The following RBFOX1 variants were observed in gnomAD, a reference collection of about 807,000 sequenced individuals.
RBFOX1 encodes the protein RNA binding protein fox-1 homolog 1.
Under a neutral mutation model 57.7 loss-of-function variants are expected in RBFOX1, and 8 were observed. The ratio of observed to expected loss-of-function variants is 0.14; its 90% CI spans 0.08 to 0.25. The LOEUF is 0.25. Among genes scored for constraint, RBFOX1 ranks in the 10% least tolerant of loss-of-function variants. The probability of loss-of-function intolerance (pLI) is 1.00; values close to 1 mark genes in which losing one functional copy is unlikely to be tolerated. For missense variants in RBFOX1, 611 were observed against 548.5 expected (o/e 1.11, Z -1.14); for synonymous variants, 326 against 222.4 (o/e 1.47, Z -4.15).
chr16:7,529,799 A>G (rs1024626825), intron 5 of RBFOX1, among the ~76,000 whole-genome samples: 2 of 152,080 alleles, frequency 1.3e-5, no homozygotes, highest in Admixed American at 1.3e-4. Context: ...ACTTGAGGTC[A>G]GGAGTTCGAG....
At chr16:6,780,213 A>ATATATTTC (rs1313522768) in intron 3 of RBFOX1, among the ~76,000 whole-genome samples, 2 of 71,986 alleles carry the variant, frequency 2.8e-5, no homozygotes, top group Non-Finnish European at 2.1e-5. Context: ...ATATATTTAT[A>ATATATTTC]TATATTTATA....
chr16:6,784,694 AT>A (rs36025472), intron 3 of RBFOX1, among the ~76,000 whole-genome samples: 23,096 of 145,702 alleles, frequency 0.16, 2,509 homozygotes, highest in African/African-American at 0.31. Context: ...TTAATGTCTG[AT>A]TTTTTTTTTT....
At chr16:6,189,526 G>A (rs1415389104) in intron 1 of RBFOX1, among the ~76,000 whole-genome samples, 1 of 152,196 alleles carries the variant, frequency 6.6e-6, no homozygotes, top group Non-Finnish European at 1.5e-5. Flanking sequence ...AGGTTTGGGA[G>A]ATAGCTTAGG....
At chr16:6,112,383 A>T (rs1042550901) in intron 1 of RBFOX1, among the ~76,000 whole-genome samples, 1 of 152,188 alleles carries the variant, frequency 6.6e-6, no homozygotes, top group Non-Finnish European at 1.5e-5. Flanking sequence ...TCACTTGAGT[A>T]ATAAAGGTTC....
At position 6,328,248 on chromosome 16, in the gene RBFOX1, AATG is replaced by A. The variant is rs1199718834; in HGVS notation, c.-64+11195_-64+11197del. Among the ~76,000 whole-genome samples, 4 of 152,320 alleles carry A rather than the reference AATG, an allele frequency of 2.6e-5. No individual in the cohort carries two copies. In the East Asian group the frequency reaches 7.7e-4, roughly 29 times the overall value. ...AGCTATGAGAATGCAAAGGCATAAGAATGATGCAAGGAACTTTGGGCACTGGAG... is the reference window on the plus strand; with the variant it reads ...AGCTATGAGAATGCAAAGGCATAAGAATGCAAGGAACTTTGGGCACTGGAG... On this transcript the variant is annotated intron_variant, in intron 2 of 15. Coordinates refer to ENST00000550418, the MANE Select transcript of RBFOX1 (RefSeq NM_018723.4).
intron 1 of RBFOX1, among the ~76,000 whole-genome samples, chr16:5,369,146 C>T (rs928054703): frequency 3.9e-5 from 6 of 152,116 alleles, no homozygotes; most frequent in Admixed American, 3.3e-4. Flanking sequence ...GGATTACAAA[C>T]ATGTGCCACC....
intron 3 of RBFOX1, among the ~76,000 whole-genome samples, chr16:6,784,803 T>A (rs2081643170): frequency 6.6e-6 from 1 of 152,090 alleles, no homozygotes; most frequent in African/African-American, 2.4e-5. Context: ...TATTTAGCCA[T>A]CTTGTTCCAC....
chr16:7,262,287 G>C (rs1386624327), intron 4 of RBFOX1, among the ~76,000 whole-genome samples: 1 of 148,802 alleles, frequency 6.7e-6, no homozygotes, highest in Non-Finnish European at 1.5e-5. Flanking sequence ...CTAATATTCT[G>C]TCTTTTCCTG....
intron 4 of RBFOX1, among the ~76,000 whole-genome samples, chr16:7,155,334 G>T (rs1188280549): frequency 6.6e-6 from 1 of 152,044 alleles, no homozygotes; most frequent in Admixed American, 6.6e-5. Flanking sequence ...GGCTACTTGT[G>T]ATCCTGGCAC....
chr16:5,999,921 A>G, intron 4 of RBFOX1, among the ~76,000 whole-genome samples: 1 of 148,544 alleles, frequency 6.7e-6, no homozygotes, highest in African/African-American at 2.5e-5. Context: ...TGAAGAAGGG[A>G]AATCAGACAA....
intron 2 of RBFOX1, among the ~76,000 whole-genome samples, chr16:6,631,737 G>A (rs1381213901): frequency 6.6e-6 from 1 of 152,138 alleles, no homozygotes; most frequent in Non-Finnish European, 1.5e-5. Context: ...CTGATGAGCT[G>A]GTGTCTGAAC....
intron 2 of RBFOX1, among the ~76,000 whole-genome samples, chr16:6,624,820 C>T (rs747798818): frequency 3.4e-4 from 51 of 152,114 alleles, no homozygotes; most frequent in Non-Finnish European, 6.5e-4. Flanking sequence ...ATACTTAGCA[C>T]ATACCATGTA....
At chr16:6,263,198 A>T (rs1325756004) in intron 1 of RBFOX1, among the ~76,000 whole-genome samples, 2 of 152,186 alleles carry the variant, frequency 1.3e-5, no homozygotes, top group Non-Finnish European at 2.9e-5. Context: ...TCAATATTGG[A>T]GGGTCATACT....
chr16:7,024,917 A>T (rs72776269), intron 3 of RBFOX1, among the ~76,000 whole-genome samples: 1 of 151,986 alleles, frequency 6.6e-6, no homozygotes, highest in African/African-American at 2.4e-5. Context: ...CTCACTTTAT[A>T]GAGGAGGACA....
At chr16:5,444,181 T>C (rs2068172070) in intron 1 of RBFOX1, among the ~76,000 whole-genome samples, 3 of 152,206 alleles carry the variant, frequency 2.0e-5, no homozygotes, top group African/African-American at 7.2e-5. Flanking sequence ...TTAATGAACA[T>C]AGGTGGTCTG....
intron 1 of RBFOX1, among the ~76,000 whole-genome samples, chr16:6,092,063 A>G (rs1010321711): frequency 6.6e-6 from 1 of 152,220 alleles, no homozygotes; most frequent in East Asian, 1.9e-4. Flanking sequence ...GACATACTTA[A>G]GAGTACCTAG....
At chr16:5,294,456 C>T (rs537206527) in intron 1 of RBFOX1, among the ~76,000 whole-genome samples, 2 of 152,272 alleles carry the variant, frequency 1.3e-5, no homozygotes, top group South Asian at 4.2e-4. Context: ...TGCCTTTCTG[C>T]TTACCTTCAC....
intron 4 of RBFOX1, among the ~76,000 whole-genome samples, chr16:6,003,876 C>T (rs2060646966): frequency 6.6e-6 from 1 of 152,128 alleles, no homozygotes; most frequent in South Asian, 2.1e-4. Flanking sequence ...GCCTAGGTGG[C>T]CAGATGTTTT....
At chr16:5,696,546 A>G (rs541317098) in intron 3 of RBFOX1, among the ~76,000 whole-genome samples, 1 of 152,226 alleles carries the variant, frequency 6.6e-6, no homozygotes, top group Non-Finnish European at 1.5e-5. Context: ...TGCGTTTTCA[A>G]ATTTACCGCA....
Sources: allele counts gnomAD v4.1 joint callset (sites outside exome capture counted in the v4.1 genomes callset), GRCh38; gene constraint gnomAD v4.1.1; transcripts MANE v1.5; gene names NCBI Gene and HGNC (gene_info 2026-07-23, HGNC 2026-07-21).